C12orf56: variants seen among roughly 807,000 people sequenced by gnomAD.
C12orf56 encodes the protein uncharacterized protein C12orf56.
A neutral mutation model predicts 69.9 loss-of-function variants in C12orf56; 71 were observed. The observed-to-expected ratio is 1.02, with a 90% CI of 0.84 to 1.24. C12orf56 has a LOEUF of 1.24. C12orf56 is among the 50% of genes most tolerant of loss of function. The pLI is 0.00. For missense variants in C12orf56, 732 were observed against 738.5 expected (o/e 0.99, Z 0.10); for synonymous variants, 276 against 274.1 (o/e 1.01, Z -0.07).
At chr12:64,273,073 C>T (rs955018844) in intron 11 of C12orf56, among the ~76,000 whole-genome samples, 1 of 152,136 alleles carries the variant, frequency 6.6e-6, no homozygotes, top group Non-Finnish European at 1.5e-5. Context: ...GGTGGATGAT[C>T]ACCTGAGGTC....
intron 11 of C12orf56, among the ~76,000 whole-genome samples, chr12:64,271,749 G>A (rs2037993217): frequency 6.6e-6 from 1 of 152,210 alleles, no homozygotes; most frequent in Non-Finnish European, 1.5e-5. Flanking sequence ...CTTGAGCTGA[G>A]AGAGTCTGAG....
At position 64,266,708 on chromosome 12, in the gene C12orf56, C is replaced by A; in HGVS notation, c.*475G>T. On this transcript the variant is annotated 3_prime_UTR_variant, in exon 13 of 13. Transcript: ENST00000543942. ...GTGCCCAAGCTGAGAAGATAAAACA[C>A]CTTGAGAAGAACTTGAATGCCCATG... 1 of 483,950 alleles carries A rather than the reference C, an allele frequency of 2.1e-6. No individual in the cohort carries two copies. The highest frequency in any genetic ancestry group is 7.9e-5 in the South Asian group (1 of 12,686). The allele number at this position is 483,950 out of a possible 1,614,324, so 30.0% of individuals were successfully genotyped here. A position where few individuals can be genotyped will look rare whatever the true frequency, so the allele number is the denominator to read the frequency against.
At chr12:64,346,239 T>C (rs115590862) in intron 2 of C12orf56, among the ~76,000 whole-genome samples, 1,860 of 152,262 alleles carry the variant, frequency 0.012, 47 homozygotes, top group African/African-American at 0.042. Flanking sequence ...CTGAAGAACC[T>C]GGAGCCCGAC....
intron 11 of C12orf56, among the ~76,000 whole-genome samples, chr12:64,273,190 G>A (rs2038011987): frequency 6.6e-6 from 1 of 151,998 alleles, no homozygotes; most frequent in Non-Finnish European, 1.5e-5. Context: ...AGCTACTTGG[G>A]AGGCTGAGGC....
chr12:64,327,862 C>T (rs982019201), intron 3 of C12orf56, among the ~76,000 whole-genome samples: 2 of 152,174 alleles, frequency 1.3e-5, no homozygotes, highest in African/African-American at 2.4e-5. Context: ...ACTCCTTAAC[C>T]TTGAACTTAC....
chr12:64,310,402 T>C (rs1014812457), intron 5 of C12orf56, among the ~76,000 whole-genome samples: 1 of 152,182 alleles, frequency 6.6e-6, no homozygotes, highest in African/African-American at 2.4e-5. Context: ...ATTTTCTAAT[T>C]CTATTAAGCC....
At chr12:64,283,299 G>A (rs562745762) in intron 8 of C12orf56, among the ~76,000 whole-genome samples, 2 of 152,258 alleles carry the variant, frequency 1.3e-5, no homozygotes, top group African/African-American at 2.4e-5. Flanking sequence ...AGCTGAAATC[G>A]TGCCATTGCA....
At chr12:64,387,501 T>A (rs189409548) in intron 1 of C12orf56, among the ~76,000 whole-genome samples, 68 of 152,220 alleles carry the variant, frequency 4.5e-4, no homozygotes, top group Middle Eastern at 6.8e-3. Context: ...ACTTTTTAGA[T>A]TCTCACAGGT....
chr12:64,299,959 T>G (rs1412860420), intron 6 of C12orf56, among the ~76,000 whole-genome samples: 7 of 152,130 alleles, frequency 4.6e-5, no homozygotes, highest in Non-Finnish European at 1.0e-4. Flanking sequence ...CACATTCAAG[T>G]GCTTAATAGC....
intron 11 of C12orf56, among the ~76,000 whole-genome samples, chr12:64,271,790 A>G (rs2136743337): frequency 6.6e-6 from 1 of 152,350 alleles, no homozygotes; most frequent in Non-Finnish European, 1.5e-5. Context: ...TAATTAGCCT[A>G]TTTAGAAATT....
intron 1 of C12orf56, among the ~76,000 whole-genome samples, chr12:64,357,344 G>T (rs2039331578): frequency 6.6e-6 from 1 of 151,850 alleles, no homozygotes; most frequent in Non-Finnish European, 1.5e-5. Flanking sequence ...ATCAGTCTTG[G>T]GGGTGCTTTG....
At chr12:64,307,844 A>T (rs566767918) in intron 5 of C12orf56, among the ~76,000 whole-genome samples, 30 of 152,006 alleles carry the variant, frequency 2.0e-4, no homozygotes, top group Non-Finnish European at 3.5e-4. Flanking sequence ...CTCAATAAAT[A>T]AATAAATAAA....
chr12:64,381,981 G>T (rs1000029027), intron 1 of C12orf56, among the ~76,000 whole-genome samples: 1 of 152,158 alleles, frequency 6.6e-6, no homozygotes, highest in African/African-American at 2.4e-5. Context: ...AATAAACTCA[G>T]CAGGGCGCGG....
In C12orf56 at chr12:64,265,494, A is replaced by G. The variant is rs1050876840; in HGVS notation, c.*1689T>C. The G allele has an allele frequency of 4.6e-5, 7 of 152,256 alleles. No individual in the cohort carries two copies. Among genetic ancestry groups the G allele is most frequent in the African/African-American group, 1.7e-4 (7 of 41,464 alleles). 9.4% of individuals were successfully genotyped at this position (152,256 alleles called of 1,614,324 possible). Reference sequence around the variant, plus strand: ...GAGTGTTAAATGTCTTGTCACAGGCAGAGAATGTAAGAGCTGGAAGAGAAC... The same window carrying G: ...GAGTGTTAAATGTCTTGTCACAGGCGGAGAATGTAAGAGCTGGAAGAGAAC... On this transcript the variant is annotated 3_prime_UTR_variant, in exon 13 of 13. Transcript: ENST00000543942.
At chr12:64,323,368 T>C (rs11831579) in intron 3 of C12orf56, among the ~76,000 whole-genome samples, 1 of 152,208 alleles carries the variant, frequency 6.6e-6, no homozygotes, top group African/African-American at 2.4e-5. Context: ...CAGATTAGAC[T>C]GACAGAGAGA....
intron 1 of C12orf56, among the ~76,000 whole-genome samples, chr12:64,383,692 C>T (rs185333821): frequency 1.1e-4 from 16 of 151,836 alleles, no homozygotes; most frequent in Admixed American, 3.9e-4. Context: ...TCCCTTCCCC[C>T]CTTCATAATA....
chr12:64,384,317 T>C (rs2039759578), intron 1 of C12orf56, among the ~76,000 whole-genome samples: 1 of 152,212 alleles, frequency 6.6e-6, no homozygotes, highest in Admixed American at 6.5e-5. Flanking sequence ...TATTTTGTGG[T>C]ATCATAGCAT....
intron 2 of C12orf56, among the ~76,000 whole-genome samples, chr12:64,347,970 T>A (rs976638992): frequency 6.6e-6 from 1 of 152,144 alleles, no homozygotes; most frequent in Non-Finnish European, 1.5e-5. Context: ...GTGAACAGAT[T>A]AACTAAATTC....
chr12:64,338,703 C>G (rs1210445600), intron 2 of C12orf56: 7 of 1,544,602 alleles, frequency 4.5e-6, no homozygotes, highest in Non-Finnish European at 6.3e-6. Flanking sequence ...GCCTTTGCAT[C>G]TATTCCTTCT....
Sources: allele counts gnomAD v4.1 joint callset (sites outside exome capture counted in the v4.1 genomes callset), GRCh38; gene constraint gnomAD v4.1.1; transcripts MANE v1.5; gene names NCBI Gene and HGNC (gene_info 2026-07-23, HGNC 2026-07-21).